The following AHCYL2 variants were observed in gnomAD, a reference collection of about 807,000 sequenced individuals.
The protein encoded by AHCYL2 is adenosylhomocysteinase like 2.
In AHCYL2, 28 loss-of-function variants were observed where a neutral mutation model predicts 81.4. That is an observed-to-expected ratio of 0.34 (90% CI 0.25 to 0.47). AHCYL2 has a LOEUF of 0.47. Ranked by LOEUF, AHCYL2 falls within the 20% of genes least tolerant of loss-of-function variation. AHCYL2 has a pLI of 1.00. For synonymous variants in AHCYL2, 272 were observed against 290.2 expected (o/e 0.94, Z 0.64); for missense variants, 551 against 785.1 (o/e 0.70, Z 3.56).
intron 1 of AHCYL2, among the ~76,000 whole-genome samples, chr7:129,338,851 A>G (rs1793055809): frequency 6.6e-6 from 1 of 152,182 alleles, no homozygotes; most frequent in African/African-American, 2.4e-5. Context: ...AGTTTAATAG[A>G]GCTTAATTTC....
rs1797508408 is a variant in AHCYL2 at position 129,429,818 on chromosome 7, A to G, written c.*2773A>G. ...TCCCCATGGCCACATACTCCTGCAA[A>G]GCTTTTATGCTGCTTCGCTTTTCTC... is the stretch of plus-strand genomic sequence containing the variant. On this transcript the variant is annotated 3_prime_UTR_variant, in exon 17 of 17. Coordinates refer to ENST00000325006, the MANE Select transcript of AHCYL2 (RefSeq NM_015328.4). 1.3e-5 allele frequency: 2 copies of G among 152,526 alleles called. No homozygotes were observed. Among genetic ancestry groups the G allele is most frequent in the African/African-American group, 4.8e-5 (2 of 41,412 alleles). The allele number at this position is 152,526 out of a possible 1,614,324, so 9.4% of individuals were successfully genotyped here. A position where few individuals can be genotyped will look rare whatever the true frequency, so the allele number is the denominator to read the frequency against.
At chr7:129,338,560 T>G (rs925450172) in intron 1 of AHCYL2, among the ~76,000 whole-genome samples, 9 of 152,368 alleles carry the variant, frequency 5.9e-5, no homozygotes, top group Admixed American at 6.5e-5. Flanking sequence ...TCCTGCAACT[T>G]CATTAGCACT....
chr7:129,317,088 G>A (rs1469826029), intron 1 of AHCYL2, among the ~76,000 whole-genome samples: 1 of 152,218 alleles, frequency 6.6e-6, no homozygotes, highest in Admixed American at 6.5e-5. Flanking sequence ...CTTAGAGACA[G>A]TTCTGTTTCC....
At chr7:129,361,382 G>A (rs140106268) in intron 1 of AHCYL2, among the ~76,000 whole-genome samples, 2 of 152,242 alleles carry the variant, frequency 1.3e-5, no homozygotes, top group Non-Finnish European at 2.9e-5. Flanking sequence ...ATACTCCCAT[G>A]TACTTATATT....
intron 1 of AHCYL2, among the ~76,000 whole-genome samples, chr7:129,330,133 A>AG (rs1798367030): frequency 6.6e-6 from 1 of 152,180 alleles, no homozygotes; most frequent in Non-Finnish European, 1.5e-5. Context: ...CCTCCTGAGT[A>AG]GCTGGGACTA....
chr7:129,305,086 GC>G (rs1241003918), intron 1 of AHCYL2, among the ~76,000 whole-genome samples: 3 of 151,892 alleles, frequency 2.0e-5, no homozygotes, highest in African/African-American at 7.3e-5. Flanking sequence ...CATGAAGTTT[GC>G]AAATAATATC....
intron 4 of AHCYL2, among the ~76,000 whole-genome samples, chr7:129,390,648 C>G (rs1306035092): frequency 1.3e-5 from 2 of 152,118 alleles, no homozygotes; most frequent in African/African-American, 4.8e-5. Flanking sequence ...CTTACTTCAC[C>G]CTAAAGCTGA....
rs1333182454 is a variant in AHCYL2 at position 129,429,735 on chromosome 7, A to C, written c.*2690A>C. 6.6e-6 allele frequency: 1 copy of C among 152,026 alleles called. No homozygotes were observed. Among genetic ancestry groups the C allele is most frequent in the Admixed American group, 6.6e-5 (1 of 15,242 alleles). The allele number at this position is 152,026 out of a possible 1,614,324, so 9.4% of individuals were successfully genotyped here. A position where few individuals can be genotyped will look rare whatever the true frequency, so the allele number is the denominator to read the frequency against. On this transcript the variant is annotated 3_prime_UTR_variant, in exon 17 of 17. Coordinates refer to ENST00000325006, the MANE Select transcript of AHCYL2 (RefSeq NM_015328.4). ...TTAAACAAAGAAAAAAAATGTATCTACTCTACCTTCCCTCTGCTCTCCTCC... is the reference window on the plus strand; with the variant it reads ...TTAAACAAAGAAAAAAAATGTATCTCCTCTACCTTCCCTCTGCTCTCCTCC...
intron 1 of AHCYL2, among the ~76,000 whole-genome samples, chr7:129,263,280 T>A (rs981471675): frequency 6.6e-6 from 1 of 152,228 alleles, no homozygotes; most frequent in African/African-American, 2.4e-5. Flanking sequence ...GTATTAGAGA[T>A]AAATAAGGCA....
chr7:129,399,558 GT>G lies in AHCYL2; in HGVS notation c.824-728del, dbSNP rs552626187. On this transcript the variant is annotated intron_variant, in intron 5 of 16. Transcript: ENST00000325006. ...TAACTGGGCTATGAATTCTAGTAAC[GT>G]TTTAGCAAGTGGAGAAACACGTAAG... is the stretch of plus-strand genomic sequence containing the variant. 7.3e-4 allele frequency among the ~76,000 whole-genome samples: 111 copies of G among 152,168 alleles called. 1 individual carries two copies. The highest frequency in any genetic ancestry group is 2.6e-3 in the African/African-American group (108 of 41,530).
chr7:129,366,456 C>G (rs956870581), intron 1 of AHCYL2, among the ~76,000 whole-genome samples: 2 of 152,162 alleles, frequency 1.3e-5, no homozygotes, highest in African/African-American at 4.8e-5. Flanking sequence ...CCCCAAACAT[C>G]TGAGACAGGT....
chr7:129,264,831 T>G (rs1480081822), intron 1 of AHCYL2, among the ~76,000 whole-genome samples: 3 of 152,204 alleles, frequency 2.0e-5, no homozygotes, highest in Admixed American at 2.0e-4. Context: ...TCTTCCTTAC[T>G]AGCAGAACGC....
chr7:129,238,075 G>C (rs1052635435), intron 1 of AHCYL2, among the ~76,000 whole-genome samples: 1 of 152,216 alleles, frequency 6.6e-6, no homozygotes, highest in East Asian at 1.9e-4. Context: ...TGAGGCTCTA[G>C]GACGAAAAAT....
chr7:129,270,821 G>A (rs143778589), intron 1 of AHCYL2, among the ~76,000 whole-genome samples: 16 of 152,334 alleles, frequency 1.1e-4, no homozygotes, highest in Admixed American at 4.6e-4. Context: ...TGTCCACTCC[G>A]TGTGGGCTTT....
intron 1 of AHCYL2, among the ~76,000 whole-genome samples, chr7:129,336,906 C>G (rs1798622298): frequency 6.6e-6 from 1 of 152,122 alleles, no homozygotes; most frequent in African/African-American, 2.4e-5. Context: ...GCCACCGTGC[C>G]TGGCTAATTT....
intron 1 of AHCYL2, among the ~76,000 whole-genome samples, chr7:129,339,288 G>A (rs1278586890): frequency 2.6e-5 from 4 of 152,066 alleles, no homozygotes; most frequent in Admixed American, 2.6e-4. Context: ...AATTTGGAGG[G>A]CAGTTTGAGA....
chr7:129,271,453 T>G (rs1041091834), intron 1 of AHCYL2, among the ~76,000 whole-genome samples: 7 of 151,290 alleles, frequency 4.6e-5, no homozygotes, highest in Admixed American at 2.0e-4. Flanking sequence ...AATGGTAGAA[T>G]GGATACATTA....
intron 1 of AHCYL2, among the ~76,000 whole-genome samples, chr7:129,305,775 A>G (rs1487197677): frequency 2.0e-5 from 3 of 152,254 alleles, no homozygotes; most frequent in South Asian, 2.1e-4. Context: ...CGTATAAGAC[A>G]GGTCTGGTGT....
chr7:129,386,153 T>G (rs985038352), intron 2 of AHCYL2, among the ~76,000 whole-genome samples: 10 of 152,132 alleles, frequency 6.6e-5, no homozygotes, highest in African/African-American at 2.4e-4. Context: ...TCTTACCTGA[T>G]AGCAGGTCCG....
Sources: gnomAD v4.1 joint callset for allele counts (sites outside exome capture counted in the v4.1 genomes callset) on GRCh38, gnomAD v4.1.1 for gene constraint, MANE v1.5 for transcripts, NCBI Gene and HGNC (gene_info 2026-07-23, HGNC 2026-07-21) for gene names.